The following DNHD1 variants were observed in gnomAD, a reference collection of about 807,000 sequenced individuals.
The protein encoded by DNHD1 is dynein heavy chain domain 1.
A neutral mutation model predicts 458.1 loss-of-function variants in DNHD1; 383 were observed. The observed-to-expected ratio is 0.84, with a 90% CI of 0.77 to 0.91. The LOEUF (loss-of-function observed/expected upper bound fraction) is 0.91. Among genes scored for constraint, DNHD1 ranks in the 40% least tolerant of loss-of-function variants. The pLI, the probability that DNHD1 is intolerant of heterozygous loss-of-function variation, is 0.00. For missense variants in DNHD1, 5,336 were observed against 5,866.1 expected, an observed-to-expected ratio of 0.91 and a Z score of 2.95; for synonymous variants, 2,203 against 2,376.9, an observed-to-expected ratio of 0.93 and a Z score of 2.13.
intron 14 of DNHD1, among the ~76,000 whole-genome samples, 190 bp from the exon 15 acceptor site, chr11:6,538,193 G>A (rs1853004188): frequency 6.6e-6 from 1 of 152,094 alleles, no homozygotes; most frequent in African/African-American, 2.4e-5. Context: ...TCTTTCCCTG[G>A]AGTAACTGTT....
At position 6,557,067 on chromosome 11, in the gene DNHD1, T is replaced by A. The variant is rs1853477988; in HGVS notation, c.7772T>A (p.Leu2591Gln). Residue 2591 changes from leucine to glutamine, a missense_variant, in exon 25 of 43, where the codon CTA (leucine) becomes CAA (glutamine). Physicochemically the swap from Leu to Gln is moderately radical, Grantham distance 113. Coordinates refer to ENST00000254579, the MANE Select transcript of DNHD1 (RefSeq NM_144666.3). The stretch of plus-strand genomic sequence containing the variant: ...CTCCACCCACACTACCACTTCTCCC[T>A]ACACTCTGTGAGCCACCTACTGAGC... Reference protein sequence around the residue: ...SPLHPHYHFSLHSVSHLLSSL... With the variant: ...SPLHPHYHFSQHSVSHLLSSL... The A allele has an allele frequency of 6.4e-7, 1 of 1,551,616 alleles. No homozygotes were observed. The highest frequency in any genetic ancestry group is 1.2e-5 in the South Asian group (1 of 84,066).
At chr11:6,540,859 G>C (rs1853084720) in intron 18 of DNHD1, among the ~76,000 whole-genome samples, 1 of 152,132 alleles carries the variant, frequency 6.6e-6, no homozygotes. Flanking sequence ...AAAAACTAAT[G>C]ATGCATACAT....
In DNHD1 at chr11:6,566,240, G is replaced by A; in HGVS notation, c.11054-1G>A. On this transcript the variant is annotated splice_acceptor_variant, in intron 33 of 42. Transcript: ENST00000254579. LOFTEE classifies it high-confidence loss of function. ...AGGGTGCCTTTGCCTCCCTCTCACA[G>A]GCCTGCCTGTGTTACTGACCAATGT... The A allele has an allele frequency of 6.4e-7, 1 of 1,551,366 alleles. No individual in the cohort carries two copies. Among genetic ancestry groups the A allele is most frequent in the South Asian group, 1.2e-5 (1 of 84,036 alleles).
rs1414958060 is a variant in DNHD1, at chr11:6,505,969, A to G, written c.921-2911A>G. On this transcript the variant is annotated intron_variant, in intron 4 of 42. Coordinates refer to ENST00000254579, the MANE Select transcript of DNHD1 (RefSeq NM_144666.3). This position sits in a 1 kb window ranked among gnomAD's most constrained non-coding sequence, Gnocchi z 4.4. ...GACAAGCTTAGGGCTTTAAACTATC[A>G]GCATCTTTTATAATTAGAGAAGCAT... Among the ~76,000 whole-genome samples, 1 of 152,252 alleles carries G rather than the reference A, an allele frequency of 6.6e-6. No homozygotes were observed. Among genetic ancestry groups the G allele is most frequent in the African/African-American group, 2.4e-5 (1 of 41,468 alleles).
intron 14 of DNHD1, 37 bp downstream of exon 14, chr11:6,534,210 T>C (rs902329337): frequency 1.2e-5 from 18 of 1,534,412 alleles, no homozygotes; most frequent in Non-Finnish European, 1.6e-5. Context: ...TATCACTCTG[T>C]GATAGACCCT....
chr11:6,544,057 T>C, intron 18 of DNHD1, 64 bp from the exon 19 acceptor site: 1 of 1,489,532 alleles, frequency 6.7e-7, no homozygotes, highest in Non-Finnish European at 9.0e-7. Context: ...CCTGGTCTCC[T>C]CTTCTCTCCC....
At position 6,566,232 on chromosome 11, in the gene DNHD1, C is replaced by A; in HGVS notation, c.11054-9C>A. ...TTGTGGGTAGGGTGCCTTTGCCTCC[C>A]TCTCACAGGCCTGCCTGTGTTACTG... On this transcript the variant is annotated splice_polypyrimidine_tract_variant and intron_variant, in intron 33 of 42. Coordinates refer to ENST00000254579, the MANE Select transcript of DNHD1 (RefSeq NM_144666.3). The A allele has an allele frequency of 6.4e-7, 1 of 1,550,552 alleles. No individual in the cohort carries two copies. The highest frequency in any genetic ancestry group is 8.7e-7 in the Non-Finnish European group (1 of 1,146,284).
chr11:6,566,792 G>C (rs781488071), intron 35 of DNHD1, 27 bp downstream of exon 35: 21 of 1,604,614 alleles, frequency 1.3e-5, no homozygotes, highest in African/African-American at 2.7e-5. Context: ...TCTGTGGGTT[G>C]AGATGAGCAT....
Position 6,558,515 on chromosome 11 carries a change from C to T in DNHD1, c.9033C>T (p.His3011=). The T allele has an allele frequency of 6.4e-7, 1 of 1,551,732 alleles. No homozygotes were observed. The highest frequency in any genetic ancestry group is 1.2e-5 in the South Asian group (1 of 84,066). ...RFHQQVCSHL[H]LFFLIGDKQA... ...ACCAGCAAGTGTGCAGCCACCTTCA[C>T]CTGTTCTTCCTGATTGGAGATAAAC... The change falls in exon 26 of 43, where the codon CAC becomes CAT. Residue 3011 remains histidine, a synonymous_variant. Coordinates refer to ENST00000254579, the MANE Select transcript of DNHD1 (RefSeq NM_144666.3).
chr11:6,544,466 T>G, intron 19 of DNHD1, 108 bp from the exon 20 acceptor site: 1 of 1,062,906 alleles, frequency 9.4e-7, no homozygotes, highest in Non-Finnish European at 1.4e-6. Flanking sequence ...GGCAGAGTAT[T>G]TTGCTTGGGC....
chr11:6,530,249 G>A (rs2134408494), intron 12 of DNHD1, among the ~76,000 whole-genome samples: 1 of 152,240 alleles, frequency 6.6e-6, no homozygotes, highest in South Asian at 2.1e-4. Flanking sequence ...CCCATCTCAG[G>A]TTCCCTCCTC....
rs757729783 is a variant in DNHD1, at chr11:6,571,733, T to C, written c.14009T>C (p.Leu4670Ser). Reference protein sequence around the residue: ...HAEWDPIAGALQDSPSSQPSP... With the variant: ...HAEWDPIAGASQDSPSSQPSP... The stretch of plus-strand genomic sequence containing the variant: ...GAGTGGGACCCAATAGCTGGAGCCT[T>C]GCAGGACAGTCCTTCCAGCCAACCC... The change falls in exon 43 of 43, where the codon TTG becomes TCG. Residue 4670 changes from leucine (L) to serine (S), a missense_variant. Physicochemically the swap from Leu to Ser is moderately radical, Grantham distance 145. Around this residue, in one of 4 missense-constraint regions of DNHD1, gnomAD observed 698 missense variants for 664.9 expected, o/e 1.05. Transcript: ENST00000254579. This position sits in a 1 kb window ranked among gnomAD's most constrained non-coding sequence, Gnocchi z 5.0. 5.0e-6 allele frequency: 8 copies of C among 1,612,918 alleles called. No individual in the cohort carries two copies. The highest frequency in any genetic ancestry group is 1.7e-4 in the Middle Eastern group (1 of 6,058).
At chr11:6,563,203 G>C in intron 29 of DNHD1, 72 bp downstream of exon 29, 3 of 1,547,802 alleles carry the variant, frequency 1.9e-6, no homozygotes, top group African/African-American at 2.7e-5. Flanking sequence ...AGGATACCAA[G>C]AGGAGAGGAT....
Position 6,548,797 on chromosome 11 carries a change from C to T in DNHD1, c.7251C>T (p.Phe2417=), listed in dbSNP as rs1589887272. Reference sequence around the variant, plus strand: ...TATACAGCCCCATCCACCCTGCCTTCAGTTCCTCCCACCTCCGTCTCCTGC... The same window carrying T: ...TATACAGCCCCATCCACCCTGCCTTTAGTTCCTCCCACCTCCGTCTCCTGC... The part of the protein sequence containing the change: ...PYIYSPIHPA[F]SSSHLRLLLS... Residue 2417 remains phenylalanine, a synonymous_variant, in exon 24 of 43, where the codon TTC becomes TTT. Coordinates refer to ENST00000254579, the MANE Select transcript of DNHD1 (RefSeq NM_144666.3). This position sits in a 1 kb window ranked among gnomAD's most constrained non-coding sequence, Gnocchi z 4.4. The T allele has an allele frequency of 1.9e-6, 3 of 1,551,680 alleles. No homozygotes were observed. The East Asian group carries it at 7.3e-5, about 38-fold the overall frequency.
rs1409034704 is a variant in DNHD1 at position 6,564,716 on chromosome 11, TGACCCCAGCAAC to T, written c.10671_10682del (p.Asp3557_Asn3560del). On this transcript the variant is annotated inframe_deletion, in exon 32 of 43. Transcript: ENST00000254579. The stretch of plus-strand genomic sequence containing the variant: ...GTAGTTGCCGTTGGCCTCTGCTGCT[TGACCCCAGCAAC>T]GAGGCCCTCATCTGGTTGGACCCGC... 6.4e-7 allele frequency: 1 copy of T among 1,550,638 alleles called. No homozygotes were observed. The highest frequency in any genetic ancestry group is 8.7e-7 in the Non-Finnish European group (1 of 1,146,190).
At chr11:6,527,936 A>C (rs4582957) in intron 10 of DNHD1, among the ~76,000 whole-genome samples, 103,518 of 152,138 alleles carry the variant, frequency 0.68, 35,430 homozygotes, top group East Asian at 0.87. Context: ...TTCAATATTC[A>C]TTCCCAGCAA....
rs1302272873 is a variant in DNHD1 at position 6,545,515 on chromosome 11, G to A, written c.4576G>A (p.Ala1526Thr). ...EVVWRAEMEE[A>T]LLEWGTLAMV... The stretch of plus-strand genomic sequence containing the variant: ...GGTATGGCGGGCCGAGATGGAGGAG[G>A]CTCTGCTTGAGTGGGGTACCCTGGC... The change falls in exon 21 of 43, where the codon GCT becomes ACT. Residue 1526 changes from alanine to threonine, a missense_variant. By Grantham distance (58) the Ala-to-Thr change is moderately conservative. This residue lies in a region of DNHD1 where 3,932 missense variants were observed against 4,365.6 expected (regional missense o/e 0.90). Transcript: ENST00000254579. This position sits in a 1 kb window ranked among gnomAD's most constrained non-coding sequence, Gnocchi z 4.9. 1 of 1,551,738 alleles carries A rather than the reference G, an allele frequency of 6.4e-7. No homozygotes were observed. The highest frequency in any genetic ancestry group is 8.7e-7 in the Non-Finnish European group (1 of 1,146,998).
At position 6,520,241 on chromosome 11, in the gene DNHD1, G is replaced by A; in HGVS notation, c.1789G>A (p.Val597Met). 6.4e-7 allele frequency: 1 copy of A among 1,555,438 alleles called. No homozygotes were observed. The highest frequency in any genetic ancestry group is 8.7e-7 in the Non-Finnish European group (1 of 1,148,598). The change falls in exon 10 of 43, where the codon GTG (valine) becomes ATG (methionine). Residue 597 changes from valine (V) to methionine (M), a missense_variant. By Grantham distance (21) the Val-to-Met change is conservative. Transcript: ENST00000254579. ...TTCTCCATATCCTGGCATGAAGGTA[G>A]TGCAGTCTGCAGACCTGAAGACCTC... ...QSVKTSALQVVQSADLKTSSD... is the reference protein window; with the variant it reads ...QSVKTSALQVMQSADLKTSSD...
chr11:6,558,526 T>G lies in DNHD1; in HGVS notation c.9044T>G (p.Leu3015Arg), dbSNP rs1040274649. 6.4e-7 allele frequency: 1 copy of G among 1,551,724 alleles called. No homozygotes were observed. The highest frequency in any genetic ancestry group is 8.7e-7 in the Non-Finnish European group (1 of 1,147,010). ...TGCAGCCACCTTCACCTGTTCTTCC[T>G]GATTGGAGATAAACAGGCCCACAAG... is the stretch of plus-strand genomic sequence containing the variant. ...QVCSHLHLFFLIGDKQAHKQL... is the reference protein window; with the variant it reads ...QVCSHLHLFFRIGDKQAHKQL... The change falls in exon 26 of 43, where the codon CTG becomes CGG. Residue 3015 changes from leucine (L) to arginine (R), a missense_variant. By Grantham distance (102) the Leu-to-Arg change is moderately radical. Transcript: ENST00000254579.
Sources: allele counts gnomAD v4.1 joint callset (sites outside exome capture counted in the v4.1 genomes callset), GRCh38; gene constraint gnomAD v4.1.1; regional missense constraint gnomAD v4.1.1; non-coding constraint Gnocchi (gnomAD v3.1); transcripts MANE v1.5; gene names NCBI Gene and HGNC (gene_info 2026-07-23, HGNC 2026-07-21).